Variants in PRR5 observed in about 807,000 individuals in gnomAD.
PRR5 encodes the protein proline-rich protein 5.
Under a neutral mutation model 30.6 loss-of-function variants are expected in PRR5, and 25 were observed. The observed-to-expected ratio is 0.82, with a 90% confidence interval of 0.60 to 1.14. PRR5 has a LOEUF of 1.14. Among genes scored for constraint, PRR5 ranks in the 50% most tolerant of loss-of-function variants. PRR5 has a pLI of 0.00. For synonymous variants in PRR5, 286 were observed against 247.1 expected (o/e 1.16, Z -1.48); for missense variants, 600 against 547.1 (o/e 1.10, Z -0.96).
intron 2 of PRR5, among the ~76,000 whole-genome samples, chr22:44,717,152 C>T (rs1569094946): frequency 6.7e-6 from 1 of 148,582 alleles, no homozygotes; most frequent in Non-Finnish European, 1.5e-5. Flanking sequence ...TTACTAGAGA[C>T]ATTGATTACA....
intron 2 of PRR5, among the ~76,000 whole-genome samples, chr22:44,723,244 A>G (rs985668155): frequency 6.6e-6 from 1 of 151,900 alleles, no homozygotes; most frequent in East Asian, 2.0e-4. Context: ...TTGGCCTCCC[A>G]AAGTGATGGG....
intron 1 of PRR5, among the ~76,000 whole-genome samples, chr22:44,682,091 A>C (rs1924344073): frequency 6.6e-6 from 1 of 152,224 alleles, no homozygotes; most frequent in African/African-American, 2.4e-5. Context: ...GGGCGTGGCC[A>C]GCAGAGCTGA....
chr22:44,728,968 G>A (rs1326766831), intron 4 of PRR5, among the ~76,000 whole-genome samples: 3 of 152,184 alleles, frequency 2.0e-5, no homozygotes, highest in Admixed American at 6.5e-5. Context: ...GACCGCGGCC[G>A]GGGTTGTAGT....
In PRR5 at chr22:44,686,834, G is replaced by T. The variant is rs144360621; in HGVS notation, c.-11+9594G>T. Reference sequence around the variant, plus strand: ...TTGCCATGCTGGCCAGGCAGGTCTTGAACTCCTGATCTCATGATCTGCCCA... The same window carrying T: ...TTGCCATGCTGGCCAGGCAGGTCTTTAACTCCTGATCTCATGATCTGCCCA... On this transcript the variant is annotated intron_variant, in intron 1 of 8. Coordinates refer to the PRR5 transcript ENST00000006251. Among the ~76,000 whole-genome samples the T allele has an allele frequency of 5.9e-3, 903 of 152,268 alleles. 12 individuals are homozygous for T. The highest frequency in any genetic ancestry group is 0.021 in the African/African-American group (855 of 41,562).
chr22:44,687,357 A>G lies in PRR5; in HGVS notation c.-11+10117A>G, dbSNP rs1455898966. Among the ~76,000 whole-genome samples, 4 of 130 alleles carry G rather than the reference A, an allele frequency of 0.031. No individual in the cohort carries two copies. The East Asian group carries it at 0.33, about 11-fold the overall frequency. The allele number at this position is 130 out of a possible 152,430, so 0.1% of individuals were successfully genotyped here. A position where few individuals can be genotyped will look rare whatever the true frequency, so the allele number is the denominator to read the frequency against. On this transcript the variant is annotated intron_variant, in intron 1 of 8. Coordinates refer to the PRR5 transcript ENST00000006251. ...TGTTAATGATGATTTCCCTATCCAG[A>G]GCGTTTTATAATTGCTCTCCCAAGC...
intron 1 of PRR5, among the ~76,000 whole-genome samples, chr22:44,705,039 A>G (rs1311433301): frequency 6.6e-6 from 1 of 152,172 alleles, no homozygotes; most frequent in Non-Finnish European, 1.5e-5. Context: ...TGTACTCCTC[A>G]TTATGAGTCC....
intron 2 of PRR5, among the ~76,000 whole-genome samples, chr22:44,716,990 G>A (rs1055086759): frequency 2.6e-5 from 4 of 152,184 alleles, no homozygotes; most frequent in African/African-American, 9.6e-5. Flanking sequence ...TGAGCCCGGA[G>A]GAGGAGGTTG....
intron 6 of PRR5, chr22:44,734,109 T>G (rs1184484025): frequency 6.6e-6 from 1 of 152,168 alleles, no homozygotes; most frequent in Non-Finnish European, 1.5e-5. Flanking sequence ...CCGTCTCTAC[T>G]AAAAATACAA....
intron 1 of PRR5, among the ~76,000 whole-genome samples, chr22:44,684,303 G>A (rs1287535398): frequency 6.6e-6 from 1 of 152,228 alleles, no homozygotes; most frequent in Non-Finnish European, 1.5e-5. Context: ...GGCACTTTGG[G>A]AGGCCGAGGT....
chr22:44,714,669 C>T lies in PRR5; in HGVS notation c.213C>T (p.Val71=). ...AGCTCTTCAGCCTCAACGAGGGCGTCCGGTGAGTGCCTGTCCCACCTTGGT... is the reference window on the plus strand; with the variant it reads ...AGCTCTTCAGCCTCAACGAGGGCGTTCGGTGAGTGCCTGTCCCACCTTGGT... ...DQELFSLNEG[V]RQLLKTELGS... Residue 71 remains valine (V), a splice_region_variant and synonymous_variant, in exon 2 of 8, where the codon GTC becomes GTT. Transcript: ENST00000336985. 1.2e-6 allele frequency: 2 copies of T among 1,613,826 alleles called. No individual in the cohort carries two copies. Among genetic ancestry groups the T allele is most frequent in the Non-Finnish European group, 1.7e-6 (2 of 1,179,968 alleles).
intron 2 of PRR5, 103 bp from the exon 3 acceptor site, chr22:44,725,141 T>C: frequency 1.9e-6 from 3 of 1,542,482 alleles, no homozygotes; most frequent in Non-Finnish European, 2.6e-6. Context: ...TGGCTGAGCA[T>C]GCTGATCTCC....
chr22:44,735,137 G>T lies in PRR5; in HGVS notation c.666G>T (p.Gly222=). 6.2e-7 allele frequency: 1 copy of T among 1,613,066 alleles called. No individual in the cohort carries two copies. Among genetic ancestry groups the T allele is most frequent in the Non-Finnish European group, 8.5e-7 (1 of 1,179,872 alleles). The change falls in exon 7 of 8, where the codon GGG becomes GGT. Residue 222 remains glycine (G), a synonymous_variant. Coordinates refer to ENST00000336985, the MANE Select transcript of PRR5 (RefSeq NM_181333.4). Reference sequence around the variant, plus strand: ...CCTACGGCCTCCACTCCAGCGAGGGGCCCTTCACCCATTCCTGCATCCTGG... The same window carrying T: ...CCTACGGCCTCCACTCCAGCGAGGGTCCCTTCACCCATTCCTGCATCCTGG... The part of the protein sequence containing the change: ...LGTYGLHSSE[G]PFTHSCILEK...
intron 1 of PRR5, among the ~76,000 whole-genome samples, chr22:44,709,575 C>T (rs1195298830): frequency 6.6e-6 from 1 of 152,170 alleles, no homozygotes; most frequent in African/African-American, 2.4e-5. Flanking sequence ...ACTTCCAGGC[C>T]AGGCGCAGTG....
chr22:44,671,988 T>G (rs1923454936), intron 1 of PRR5, among the ~76,000 whole-genome samples: 1 of 152,232 alleles, frequency 6.6e-6, no homozygotes, highest in Non-Finnish European at 1.5e-5. Flanking sequence ...GACATAGCCT[T>G]GTGGTGCATA....
Position 44,736,993 on chromosome 22 carries a change from G to A in PRR5, c.913G>A (p.Gly305Arg), listed in dbSNP as rs767163318. 21 of 1,599,562 alleles carry A rather than the reference G, an allele frequency of 1.3e-5. No individual in the cohort carries two copies. Among genetic ancestry groups the A allele is most frequent in the Middle Eastern group, 1.7e-4 (1 of 6,024 alleles). The change falls in exon 8 of 8, where the codon GGG (glycine) becomes AGG (arginine). Residue 305 changes from glycine to arginine, a missense_variant. Coordinates refer to ENST00000336985, the MANE Select transcript of PRR5 (RefSeq NM_181333.4). ...FSDPPGQGPT[G>R]TFRSSPAPHS... ...CGACCCGCCCGGCCAGGGCCCCACC[G>A]GGACCTTCAGGTCCTCCCCGGCGCC...
intron 1 of PRR5, among the ~76,000 whole-genome samples, chr22:44,692,349 G>GGGGCTCCTCCTCCCA (rs777189147): frequency 9.2e-6 from 1 of 108,700 alleles, no homozygotes; most frequent in Non-Finnish European, 1.9e-5. Context: ...GCTCCTCCTG[G>GGGGCTCCTCCTCCCA]GGGCTCCTCC....
intron 6 of PRR5, among the ~76,000 whole-genome samples, chr22:44,733,382 C>T (rs13054169): frequency 0.13 from 19,096 of 152,278 alleles, 1,829 homozygotes; most frequent in South Asian, 0.38. Context: ...CCAGCTTCAC[C>T]CCGGCTCTCG....
intron 6 of PRR5, among the ~76,000 whole-genome samples, chr22:44,732,884 ACAC>A (rs1417752377): frequency 2.8e-5 from 4 of 144,644 alleles, no homozygotes; most frequent in East Asian, 4.1e-4. Flanking sequence ...CTGCACACAC[ACAC>A]CACACACGTG....
In PRR5 at chr22:44,726,634, G is replaced by A. The variant is rs1920957191; in HGVS notation, c.322G>A (p.Gly108Arg). The change falls in exon 4 of 8, where the codon GGA (glycine) becomes AGA (arginine). Residue 108 changes from glycine (G) to arginine (R), a missense_variant and splice_region_variant. Transcript: ENST00000336985. ...ILRDKIRFYE[G>R]QKLLDSLAET... ...TCGGGACAAGATTCGCTTCTATGAG[G>A]GTGAGTGTGGGCCCCTTGGCGGCCA... The A allele has an allele frequency of 6.2e-7, 1 of 1,614,100 alleles. No homozygotes were observed. The highest frequency in any genetic ancestry group is 2.2e-5 in the East Asian group (1 of 44,882).
Sources: allele counts gnomAD v4.1 joint callset (sites outside exome capture counted in the v4.1 genomes callset), GRCh38; gene constraint gnomAD v4.1.1; transcripts MANE v1.5; gene names NCBI Gene and HGNC (gene_info 2026-07-23, HGNC 2026-07-21).